The following CDC34 variants were observed in gnomAD, a reference collection of about 807,000 sequenced individuals.
CDC34 encodes ubiquitin-conjugating enzyme E2 R1.
CDC34 carries 18 observed loss-of-function variants against 26.8 expected under a neutral mutation model. The observed-to-expected ratio is 0.67, with a 90% CI of 0.47 to 1.00. CDC34 has a LOEUF of 1.00. CDC34 is among the 50% of genes least tolerant of loss of function. The pLI, the probability that CDC34 is intolerant of heterozygous loss-of-function variation, is 0.00. For missense variants in CDC34, 280 were observed against 334.5 expected (o/e 0.84, Z 1.27); for synonymous variants, 178 against 147.5 (o/e 1.21, Z -1.50).
intron 1 of CDC34, among the ~76,000 whole-genome samples, chr19:532,595 T>C (rs1600418415): frequency 6.6e-6 from 1 of 151,950 alleles, no homozygotes; most frequent in Non-Finnish European, 1.5e-5. Flanking sequence ...GCTGCTATTG[T>C]TGGGGAGCTG....
Position 531,816 on chromosome 19 carries a change from C to T in CDC34, c.-116C>T. On this transcript the variant is annotated 5_prime_UTR_variant, in exon 1 of 5. Coordinates refer to ENST00000215574, the MANE Select transcript of CDC34 (RefSeq NM_004359.2). Reference sequence around the variant, plus strand: ...GGCGGCGGCGGCGCAGAGGAGGAGGCAGGCGGCGGCCCCGGTGGCTCCCCC... The same window carrying T: ...GGCGGCGGCGGCGCAGAGGAGGAGGTAGGCGGCGGCCCCGGTGGCTCCCCC... 2 of 423,712 alleles carry T rather than the reference C, an allele frequency of 4.7e-6. No homozygotes were observed. Among genetic ancestry groups the T allele is most frequent in the Non-Finnish European group, 6.6e-6 (2 of 303,610 alleles). The allele number at this position is 423,712 out of a possible 1,614,324, so 26.2% of individuals were successfully genotyped here.
chr19:541,156 CCCT>C (rs1490380918), intron 4 of CDC34, 180 bp from the exon 5 acceptor site: 20 of 760,042 alleles, frequency 2.6e-5, no homozygotes, highest in Non-Finnish European at 3.8e-5. Context: ...TTCCCGAGCC[CCCT>C]CCTCTGTCAT....
intron 2 of CDC34, 136 bp downstream of exon 2, chr19:536,059 G>A (rs1409127007): frequency 9.5e-7 from 1 of 1,054,118 alleles, no homozygotes; most frequent in Admixed American, 1.9e-5. Flanking sequence ...GGGGCGCTGG[G>A]AGCCTCACGT....
rs752260990 is a variant in CDC34 at position 536,226 on chromosome 19, GTCT to G, written c.265-9_265-7del. On this transcript the variant is annotated splice_polypyrimidine_tract_variant and intron_variant, in intron 2 of 4. Transcript: ENST00000215574. ...GCTGACCTCTGACCTGTTCTGACCTGTCTTCTTCTTGTGCAGACGGGGGACGTG... is the reference window on the plus strand; with the variant it reads ...GCTGACCTCTGACCTGTTCTGACCTGTCTTCTTGTGCAGACGGGGGACGTG... 71 of 1,594,622 alleles carry G rather than the reference GTCT, an allele frequency of 4.5e-5. 1 individual carries two copies. Among genetic ancestry groups the G allele is most frequent in the South Asian group, 3.7e-4 (33 of 88,916 alleles).
chr19:535,900 A>T lies in CDC34; in HGVS notation c.241A>T (p.Met81Leu). 1 of 1,613,858 alleles carries T rather than the reference A, an allele frequency of 6.2e-7. No homozygotes were observed. Among genetic ancestry groups the T allele is most frequent in the Non-Finnish European group, 8.5e-7 (1 of 1,179,956 alleles). The stretch of plus-strand genomic sequence containing the variant: ...ACCAGCCTTTCGGTTCCTGACCAAG[A>T]TGTGGCACCCTAACATCTACGAGGT... ...SPPAFRFLTK[M>L]WHPNIYETGD... Residue 81 changes from methionine to leucine, a missense_variant, in exon 2 of 5, where the codon ATG (methionine) becomes TTG (leucine). Physicochemically the swap from Met to Leu is conservative, Grantham distance 15. Transcript: ENST00000215574.
rs544178793 is a variant in CDC34, at chr19:539,156, G to A, written c.497+2009G>A. On this transcript the variant is annotated intron_variant, in intron 4 of 4. Coordinates refer to ENST00000215574, the MANE Select transcript of CDC34 (RefSeq NM_004359.2). The stretch of plus-strand genomic sequence containing the variant: ...AGCCCAAGTCCCGCTGAGCTGTGTC[G>A]GGCAGGCTGCCGTGGAGCCCGGCTT... 1,483 of 402,982 alleles carry A rather than the reference G, an allele frequency of 3.7e-3. 3 individuals carry two copies. Among genetic ancestry groups the A allele is most frequent in the African/African-American group, 0.014 (657 of 46,390 alleles). The allele number at this position is 402,982 out of a possible 1,614,324, so 25.0% of individuals were successfully genotyped here. A position where few individuals can be genotyped will look rare whatever the true frequency, so the allele number is the denominator to read the frequency against.
rs1568332320 is a variant in CDC34 at position 540,755 on chromosome 19, G to A, written c.498-584G>A. Among the ~76,000 whole-genome samples, 3 of 104,640 alleles carry A rather than the reference G, an allele frequency of 2.9e-5. No homozygotes were observed. In the South Asian group the frequency reaches 1.1e-3, roughly 38 times the overall value. 68.6% of individuals were successfully genotyped at this position (104,640 alleles called of 152,430 possible). On this transcript the variant is annotated intron_variant, in intron 4 of 4. Coordinates refer to ENST00000215574, the MANE Select transcript of CDC34 (RefSeq NM_004359.2). Reference sequence around the variant, plus strand: ...GGGTTTAGAATCCGGAGGCTGGGATGGCCAGGCCCCCGGGTTTAGAATCCA... The same window carrying A: ...GGGTTTAGAATCCGGAGGCTGGGATAGCCAGGCCCCCGGGTTTAGAATCCA...
chr19:532,232 G>A (rs1416194461), intron 1 of CDC34, 124 bp downstream of exon 1: 2 of 718,616 alleles, frequency 2.8e-6, no homozygotes, highest in African/African-American at 1.9e-5. Flanking sequence ...CCTGGCTTGG[G>A]CTCGTTTCCC....
At chr19:539,674 G>A (rs1181857709) in intron 4 of CDC34, among the ~76,000 whole-genome samples, 2 of 152,264 alleles carry the variant, frequency 1.3e-5, no homozygotes, top group East Asian at 3.9e-4. Context: ...AGCCGTGCCT[G>A]GTCGGTGATA....
chr19:538,554 G>A (rs191159521), intron 4 of CDC34: 43 of 248,390 alleles, frequency 1.7e-4, no homozygotes, highest in Admixed American at 1.6e-3. Context: ...TTTTCTCAGA[G>A]TGATATTGCA....
At chr19:537,316 G>T (rs1261150426) in intron 4 of CDC34, among the ~76,000 whole-genome samples, 169 bp downstream of exon 4, 3 of 152,160 alleles carry the variant, frequency 2.0e-5, no homozygotes, top group African/African-American at 7.2e-5. Flanking sequence ...AGTGGCGGAG[G>T]GTCCAGCCAG....
At chr19:538,650 C>T (rs1979873663) in intron 4 of CDC34, 10 of 915,326 alleles carry the variant, frequency 1.1e-5, no homozygotes, top group Non-Finnish European at 1.2e-5. Context: ...ATATTGCACA[C>T]ATAATGCATG....
chr19:539,147 A>G (rs940410790), intron 4 of CDC34: 5 of 471,200 alleles, frequency 1.1e-5, no homozygotes, highest in Non-Finnish European at 1.4e-5. Context: ...AGTCCCGCTG[A>G]GCTGTGTCGG....
Position 541,460 on chromosome 19 carries a change from T to TACG in CDC34, c.625_627dup (p.Asp209dup). On this transcript the variant is annotated inframe_insertion, in exon 5 of 5. Transcript: ENST00000215574. ...GCCCGACGAGGGCTCAGACCTCTTC[T>TACG]ACGACGACTACTACGAGGACGGCGA... 1 of 1,612,722 alleles carries TACG rather than the reference T, an allele frequency of 6.2e-7. No individual in the cohort carries two copies. Among genetic ancestry groups the TACG allele is most frequent in the Non-Finnish European group, 8.5e-7 (1 of 1,179,848 alleles).
At chr19:535,655 A>T (rs1471942830) in intron 1 of CDC34, among the ~76,000 whole-genome samples, 182 bp from the exon 2 acceptor site, 2 of 152,224 alleles carry the variant, frequency 1.3e-5, no homozygotes, top group African/African-American at 4.8e-5. Flanking sequence ...AAAAGGCTTC[A>T]GGCAGCCTTC....
At chr19:533,262 G>A (rs941229314) in intron 1 of CDC34, among the ~76,000 whole-genome samples, 1 of 152,168 alleles carries the variant, frequency 6.6e-6, no homozygotes. Flanking sequence ...CCAAGAGCCT[G>A]GACACGACAC....
intron 1 of CDC34, among the ~76,000 whole-genome samples, chr19:535,437 A>T (rs1005025765): frequency 2.0e-5 from 3 of 152,216 alleles, no homozygotes; most frequent in African/African-American, 7.2e-5. Context: ...CCTGGGCTTC[A>T]GCTCCATCCA....
intron 1 of CDC34, among the ~76,000 whole-genome samples, 155 bp downstream of exon 1, chr19:532,263 AC>A (rs1335012543): frequency 6.7e-6 from 1 of 150,076 alleles, no homozygotes; most frequent in African/African-American, 2.5e-5. Flanking sequence ...ACGTTCCCCC[AC>A]CCAGCTCTGC....
intron 4 of CDC34, chr19:538,971 C>G (rs1419424373): frequency 2.6e-5 from 26 of 985,240 alleles, no homozygotes; most frequent in Non-Finnish European, 3.0e-5. Flanking sequence ...GGCCACCTCC[C>G]TGAGGCACCA....
Sources: gnomAD v4.1 joint callset for allele counts (sites outside exome capture counted in the v4.1 genomes callset) on GRCh38, gnomAD v4.1.1 for gene constraint, MANE v1.5 for transcripts, NCBI Gene and HGNC (gene_info 2026-07-23, HGNC 2026-07-21) for gene names.